Variants in DLGAP1 observed in about 807,000 individuals in gnomAD.
DLGAP1 encodes the protein DLG associated protein 1, also known as disks large-associated protein 1.
DLGAP1 carries 11 observed loss-of-function variants against 90.8 expected under a neutral mutation model. That is an observed-to-expected ratio of 0.12 (90% CI 0.08 to 0.20). DLGAP1 has a LOEUF of 0.20. Among genes scored for constraint, DLGAP1 ranks in the 10% least tolerant of loss-of-function variants. The probability of loss-of-function intolerance (pLI) is 1.00; values close to 1 mark genes in which losing one functional copy is unlikely to be tolerated. For missense variants in DLGAP1, 1,050 were observed against 1,333.8 expected, an observed-to-expected ratio of 0.79 and a Z score of 3.31; for synonymous variants, 558 against 540.7, an observed-to-expected ratio of 1.03 and a Z score of -0.44.
At chr18:3,576,500 C>A (rs1234897599) in intron 8 of DLGAP1, among the ~76,000 whole-genome samples, 2 of 151,866 alleles carry the variant, frequency 1.3e-5, no homozygotes, top group Non-Finnish European at 2.9e-5. Flanking sequence ...ACCTTGTGAT[C>A]CGCCTGCCTT....
intron 2 of DLGAP1, among the ~76,000 whole-genome samples, chr18:4,018,073 C>T (rs988742714): frequency 6.6e-6 from 1 of 152,080 alleles, no homozygotes; most frequent in Non-Finnish European, 1.5e-5. Context: ...ATACTAACAA[C>T]GATTATATTA....
At chr18:3,697,352 C>T (rs1423133264) in intron 7 of DLGAP1, among the ~76,000 whole-genome samples, 1 of 152,156 alleles carries the variant, frequency 6.6e-6, no homozygotes, top group African/African-American at 2.4e-5. Context: ...CCTCTAAACA[C>T]TTCTTTAGCT....
At chr18:4,441,089 T>C (rs983456205) in intron 1 of DLGAP1, among the ~76,000 whole-genome samples, 3 of 152,240 alleles carry the variant, frequency 2.0e-5, no homozygotes, top group Non-Finnish European at 4.4e-5. Flanking sequence ...TTAAAGTTCT[T>C]GTCTGAGCGG....
At chr18:3,792,343 T>C (rs2065775644) in intron 5 of DLGAP1, among the ~76,000 whole-genome samples, 1 of 151,838 alleles carries the variant, frequency 6.6e-6, no homozygotes, top group African/African-American at 2.4e-5. Flanking sequence ...TAGCCAGGCA[T>C]GGTGGTGCAT....
intron 5 of DLGAP1, among the ~76,000 whole-genome samples, chr18:3,753,188 C>T (rs1336455625): frequency 2.0e-5 from 3 of 152,108 alleles, no homozygotes; most frequent in African/African-American, 7.2e-5. Context: ...ACTCATTTAT[C>T]CAAGAAAAAC....
chr18:3,553,847 T>C (rs1302494142), intron 9 of DLGAP1, among the ~76,000 whole-genome samples: 1 of 152,134 alleles, frequency 6.6e-6, no homozygotes, highest in African/African-American at 2.4e-5. Context: ...CATAGTTTTT[T>C]AAAAAATTAC....
intron 7 of DLGAP1, among the ~76,000 whole-genome samples, chr18:3,593,572 A>G (rs1056666911): frequency 1.3e-5 from 2 of 152,150 alleles, no homozygotes; most frequent in African/African-American, 4.8e-5. Context: ...AGAAAAAAAT[A>G]TGCTTGTGTG....
chr18:4,022,512 C>G (rs1054424359), intron 2 of DLGAP1, among the ~76,000 whole-genome samples: 5 of 152,064 alleles, frequency 3.3e-5, no homozygotes, highest in African/African-American at 1.2e-4. Flanking sequence ...TATCTTCTAA[C>G]TTTTCTTATT....
chr18:3,921,126 T>A lies in DLGAP1; in HGVS notation c.-72-40986A>T, dbSNP rs537522653. On this transcript the variant is annotated intron_variant, in intron 3 of 12. Transcript: ENST00000315677. ...CAGCATGAGCCTGGGAAGCATTCTTTTATAAATCACAAATGCAAGGAAAGA... is the reference window on the plus strand; with the variant it reads ...CAGCATGAGCCTGGGAAGCATTCTTATATAAATCACAAATGCAAGGAAAGA... Among the ~76,000 whole-genome samples the A allele has an allele frequency of 2.3e-4, 35 of 152,366 alleles. 1 individual carries two copies. The South Asian group carries it at 6.8e-3, about 30-fold the overall frequency.
intron 7 of DLGAP1, among the ~76,000 whole-genome samples, chr18:3,680,440 A>G (rs2060470805): frequency 6.6e-6 from 1 of 152,168 alleles, no homozygotes; most frequent in African/African-American, 2.4e-5. Flanking sequence ...GATTTTACCT[A>G]ATCTATTCTG....
intron 5 of DLGAP1, among the ~76,000 whole-genome samples, chr18:3,779,167 C>T (rs548460673): frequency 1.3e-5 from 2 of 152,286 alleles, no homozygotes; most frequent in Admixed American, 6.5e-5. Flanking sequence ...TAGAGTTCTC[C>T]TGTCCTGTCT....
At chr18:3,535,728 G>T (rs1314234239) in intron 9 of DLGAP1, among the ~76,000 whole-genome samples, 1 of 145,136 alleles carries the variant, frequency 6.9e-6, no homozygotes, top group Non-Finnish European at 1.5e-5. Context: ...AAGAAGAAAA[G>T]AAAAAAAGAA....
At chr18:3,748,080 C>A (rs1446296915) in intron 5 of DLGAP1, among the ~76,000 whole-genome samples, 1 of 152,200 alleles carries the variant, frequency 6.6e-6, no homozygotes, top group African/African-American at 2.4e-5. Flanking sequence ...GTTGGTCTAA[C>A]GAAATGGCAC....
At chr18:4,373,202 A>C (rs567553399) in intron 1 of DLGAP1, among the ~76,000 whole-genome samples, 1 of 152,284 alleles carries the variant, frequency 6.6e-6, no homozygotes, top group African/African-American at 2.4e-5. Context: ...ACAATGGATT[A>C]CAGGGGAGGA....
intron 2 of DLGAP1, among the ~76,000 whole-genome samples, chr18:4,069,583 C>G (rs1005072559): frequency 6.6e-6 from 1 of 152,138 alleles, no homozygotes; most frequent in Non-Finnish European, 1.5e-5. Context: ...TGTGGCACCT[C>G]CCCCATGCTC....
At chr18:4,269,510 T>G (rs990254784) in intron 1 of DLGAP1, among the ~76,000 whole-genome samples, 10 of 151,772 alleles carry the variant, frequency 6.6e-5, no homozygotes, top group African/African-American at 1.9e-4. Flanking sequence ...CCCACCACCA[T>G]GCGCGGCTAA....
intron 1 of DLGAP1, among the ~76,000 whole-genome samples, chr18:4,258,995 T>C (rs2145248588): frequency 6.6e-6 from 1 of 152,326 alleles, no homozygotes; most frequent in South Asian, 2.1e-4. Context: ...TCTGCAATGC[T>C]TTTACATTAT....
chr18:3,502,226 TTTAAC>T (rs1359920128), intron 12 of DLGAP1: 3 of 1,331,336 alleles, frequency 2.3e-6, no homozygotes, highest in Non-Finnish European at 1.9e-6. Context: ...ACTAAAATGG[TTTAAC>T]TTAAAGTTTA....
In DLGAP1 at chr18:3,786,702, T is replaced by G. The variant is rs576120298; in HGVS notation, c.1172+27357A>C. On this transcript the variant is annotated intron_variant, in intron 5 of 12. Coordinates refer to ENST00000315677, the MANE Select transcript of DLGAP1 (RefSeq NM_004746.4). ...AAGCCTTTTAAGTGTACCTCAAAAA[T>G]AAGCTAAGTTAATGGAAAATAGGAG... Among the ~76,000 whole-genome samples, 5 of 152,316 alleles carry G rather than the reference T, an allele frequency of 3.3e-5. No homozygotes were observed. In the South Asian group the frequency reaches 1.0e-3, roughly 32 times the overall value.
Sources: allele counts gnomAD v4.1 joint callset (sites outside exome capture counted in the v4.1 genomes callset), GRCh38; gene constraint gnomAD v4.1.1; transcripts MANE v1.5; gene names NCBI Gene and HGNC (gene_info 2026-07-23, HGNC 2026-07-21).